CUX1: variants seen among roughly 807,000 people sequenced by gnomAD.
CUX1 encodes the protein protein CASP.
In CUX1, 31 loss-of-function variants were observed where a neutral mutation model predicts 158.8. The ratio of observed to expected loss-of-function variants is 0.20; its 90% CI spans 0.15 to 0.26. CUX1 has a LOEUF of 0.26. Ranked by LOEUF, CUX1 falls within the 10% of genes least tolerant of loss-of-function variation. CUX1 has a pLI of 1.00. For missense variants in CUX1, 1,589 were observed against 2,014.6 expected (o/e 0.79, Z 4.04); for synonymous variants, 879 against 862.1 (o/e 1.02, Z -0.34).
rs1807396366 is a variant in CUX1, at chr7:101,939,183, C to T, written c.141+22958C>T. Among the ~76,000 whole-genome samples the T allele has an allele frequency of 2.0e-5, 3 of 146,676 alleles. No individual in the cohort carries two copies. The South Asian group carries it at 6.6e-4, about 32-fold the overall frequency. On this transcript the variant is annotated intron_variant, in intron 2 of 23. Transcript: ENST00000292535. ...TCAGTCCCTTCCCCCACCCTCAGCCCATGGTAACCACTTATCTGTTTTTTG... is the reference window on the plus strand; with the variant it reads ...TCAGTCCCTTCCCCCACCCTCAGCCTATGGTAACCACTTATCTGTTTTTTG...
chr7:101,947,573 T>C (rs1458592761), intron 2 of CUX1, among the ~76,000 whole-genome samples: 4 of 152,206 alleles, frequency 2.6e-5, no homozygotes, highest in African/African-American at 9.6e-5. Context: ...GACATGGGGA[T>C]GAAATGAATT....
chr7:101,853,687 G>A (rs1253541847), intron 1 of CUX1, among the ~76,000 whole-genome samples: 3 of 151,982 alleles, frequency 2.0e-5, no homozygotes, highest in African/African-American at 7.3e-5. Flanking sequence ...TAGTTGCGGG[G>A]AGCCCCCAGG....
intron 3 of CUX1, among the ~76,000 whole-genome samples, chr7:102,041,782 C>G (rs1237119917): frequency 6.6e-6 from 1 of 151,542 alleles, no homozygotes; most frequent in African/African-American, 2.4e-5. Flanking sequence ...ATTCTCCTGC[C>G]TCAGCCTCCC....
intron 4 of CUX1, among the ~76,000 whole-genome samples, chr7:102,096,281 A>G (rs1829173356): frequency 6.6e-6 from 1 of 151,766 alleles, no homozygotes; most frequent in African/African-American, 2.4e-5. Context: ...CTAACCCCTG[A>G]CTCTTCTGAA....
At chr7:102,273,639 C>T (rs1252615089) in intron 15 of CUX1, 2 of 1,035,482 alleles carry the variant, frequency 1.9e-6, no homozygotes, top group Non-Finnish European at 2.7e-6. Flanking sequence ...TTGGGTTCTC[C>T]CTGCTTACTC....
Position 102,170,481 on chromosome 7 carries a change from A to C in CUX1, c.759A>C (p.Leu253Phe). 6.3e-7 allele frequency: 1 copy of C among 1,593,032 alleles called. No homozygotes were observed. Residue 253 changes from leucine to phenylalanine, a missense_variant, in exon 10 of 24, where the codon TTA becomes TTC. By Grantham distance (22) the Leu-to-Phe change is conservative. Transcript: ENST00000292535. ...AEVAQREAET[L>F]REQLSSANHS... ...TGGCTCAGAGAGAGGCGGAGACCTT[A>C]AGGGAACAGCTCTCATCGGCCAATC...
At chr7:102,111,883 C>T in intron 7 of CUX1, 109 bp downstream of exon 7, 1 of 936,544 alleles carries the variant, frequency 1.1e-6, no homozygotes, top group Middle Eastern at 2.8e-4. Context: ...CTCTTCGGGG[C>T]CGTGGGAGCT....
At chr7:102,281,195 A>C (rs1792037918) in intron 20 of CUX1, among the ~76,000 whole-genome samples, 1 of 152,064 alleles carries the variant, frequency 6.6e-6, no homozygotes, top group Non-Finnish European at 1.5e-5. Context: ...CAACACAGTA[A>C]GATCCTGTCT....
intron 1 of CUX1, among the ~76,000 whole-genome samples, chr7:101,877,036 T>A (rs1373120064): frequency 6.6e-6 from 1 of 152,232 alleles, no homozygotes; most frequent in Non-Finnish European, 1.5e-5. Flanking sequence ...GATTATTTTC[T>A]TAGGTTAAAT....
chr7:102,034,168 G>A (rs1253721277), intron 3 of CUX1, among the ~76,000 whole-genome samples: 346 of 42,788 alleles, frequency 8.1e-3, no homozygotes, highest in East Asian at 0.023. Flanking sequence ...AAAAAAAAAA[G>A]TCAGTCTTAT....
chr7:102,016,672 A>C (rs563207800), intron 2 of CUX1, among the ~76,000 whole-genome samples: 4 of 152,322 alleles, frequency 2.6e-5, no homozygotes, highest in African/African-American at 9.6e-5. Context: ...GAATTCTCTC[A>C]TAAGTACTCC....
intron 2 of CUX1, among the ~76,000 whole-genome samples, chr7:102,009,155 A>G (rs1205777787): frequency 6.6e-6 from 1 of 152,252 alleles, no homozygotes; most frequent in Non-Finnish European, 1.5e-5. Context: ...TTTGGATTGT[A>G]GCCAGATGGC....
intron 4 of CUX1, among the ~76,000 whole-genome samples, chr7:102,091,862 T>A (rs1554482370): frequency 6.6e-6 from 1 of 151,302 alleles, no homozygotes; most frequent in African/African-American, 2.4e-5. Context: ...CTCAAGCAAT[T>A]CTCCTGCCTC....
chr7:102,174,865 G>C (rs537761823), intron 10 of CUX1, among the ~76,000 whole-genome samples: 170 of 152,276 alleles, frequency 1.1e-3, no homozygotes, highest in African/African-American at 3.9e-3. Flanking sequence ...CAGGAGAATC[G>C]CTTGAACCTG....
chr7:102,042,622 A>G (rs1822249088), intron 3 of CUX1, among the ~76,000 whole-genome samples: 1 of 151,468 alleles, frequency 6.6e-6, no homozygotes, highest in African/African-American at 2.4e-5. Context: ...TACCTATAAA[A>G]CTCATTTCCA....
intron 20 of CUX1, among the ~76,000 whole-genome samples, chr7:102,206,646 C>T (rs1795974671): frequency 6.6e-6 from 1 of 152,058 alleles, no homozygotes; most frequent in Non-Finnish European, 1.5e-5. Context: ...CCTGTAATCC[C>T]AACACTTTGG....
At chr7:101,987,961 C>T (rs1488189832) in intron 2 of CUX1, among the ~76,000 whole-genome samples, 4 of 152,300 alleles carry the variant, frequency 2.6e-5, no homozygotes, top group South Asian at 2.1e-4. Context: ...CCTGTAATCT[C>T]AGCACTTTGG....
intron 11 of CUX1, among the ~76,000 whole-genome samples, chr7:102,181,132 G>T (rs1793044831): frequency 6.6e-6 from 1 of 151,672 alleles, no homozygotes; most frequent in Non-Finnish European, 1.5e-5. Flanking sequence ...GTAGAGATGG[G>T]ATTTCTCCGT....
At chr7:102,075,893 C>T (rs1826654838) in intron 4 of CUX1, among the ~76,000 whole-genome samples, 2 of 152,206 alleles carry the variant, frequency 1.3e-5, no homozygotes, top group South Asian at 4.1e-4. Context: ...GACTTCGGCT[C>T]TGGGGCCGGC....
Sources: allele counts gnomAD v4.1 joint callset (sites outside exome capture counted in the v4.1 genomes callset), GRCh38; gene constraint gnomAD v4.1.1; transcripts MANE v1.5; gene names NCBI Gene and HGNC (gene_info 2026-07-23, HGNC 2026-07-21).